KCNIP1: variants seen among roughly 807,000 people sequenced by gnomAD.
KCNIP1 encodes the protein A-type potassium channel modulatory protein KCNIP1.
KCNIP1 carries 18 observed loss-of-function variants against 33.0 expected under a neutral mutation model. The ratio of observed to expected loss-of-function variants is 0.55; its 90% CI spans 0.38 to 0.81. KCNIP1 has a LOEUF of 0.81. Among genes scored for constraint, KCNIP1 ranks in the 30% least tolerant of loss-of-function variants. The probability of loss-of-function intolerance (pLI) is 0.00; values close to 1 mark genes in which losing one functional copy is unlikely to be tolerated. For missense variants in KCNIP1, 238 were observed against 271.6 expected, an observed-to-expected ratio of 0.88 and a Z score of 0.87; for synonymous variants, 93 against 98.3, an observed-to-expected ratio of 0.95 and a Z score of 0.32.
intron 1 of KCNIP1, among the ~76,000 whole-genome samples, chr5:170,379,291 C>G (rs910125384): frequency 6.6e-6 from 1 of 152,118 alleles, no homozygotes; most frequent in South Asian, 2.1e-4. Context: ...TTTCTGAGCC[C>G]TGAAGCTTCA....
rs560643101 is a variant in KCNIP1 at position 170,615,076 on chromosome 5, G to A, written c.62-103682G>A. Reference sequence around the variant, plus strand: ...CTAAAAATACAAAAAATAGCTGGGCGTGGTGGTAGGCGCCTGTAATCCCAG... The same window carrying A: ...CTAAAAATACAAAAAATAGCTGGGCATGGTGGTAGGCGCCTGTAATCCCAG... On this transcript the variant is annotated intron_variant, in intron 1 of 7. Coordinates refer to ENST00000328939, the MANE Select transcript of KCNIP1 (RefSeq NM_014592.4). 2.6e-4 allele frequency among the ~76,000 whole-genome samples: 40 copies of A among 152,280 alleles called. No individual in the cohort carries two copies. In the East Asian group the frequency reaches 6.2e-3, roughly 24 times the overall value.
At chr5:170,687,185 A>ATTTTTTTTT (rs540360161) in intron 1 of KCNIP1, among the ~76,000 whole-genome samples, 1 of 145,886 alleles carries the variant, frequency 6.9e-6, no homozygotes, top group Non-Finnish European at 1.5e-5. Flanking sequence ...ACCTGAGTAA[A>ATTTTTTTTT]TTTTTTTTTT....
chr5:170,468,763 G>A (rs573370838), intron 1 of KCNIP1, among the ~76,000 whole-genome samples: 7 of 151,970 alleles, frequency 4.6e-5, no homozygotes, highest in East Asian at 3.9e-4. Context: ...GTGGCACACC[G>A]CTACTTAGGA....
rs150364235 is a variant in KCNIP1, at chr5:170,526,039, A to G, written c.61+21406A>G. Among the ~76,000 whole-genome samples the G allele has an allele frequency of 3.4e-3, 523 of 152,334 alleles. 4 individuals are homozygous for G. Among genetic ancestry groups the G allele is most frequent in the Non-Finnish European group, 5.1e-3 (347 of 68,032 alleles). ...CCAATATTCACCATGTGCCAGCTCC[A>G]GCTCAGTCACTGAGCCTCACATCGC... On this transcript the variant is annotated intron_variant, in intron 1 of 7. Coordinates refer to ENST00000328939, the MANE Select transcript of KCNIP1 (RefSeq NM_014592.4).
intron 1 of KCNIP1, among the ~76,000 whole-genome samples, chr5:170,515,742 G>A (rs896733200): frequency 2.0e-5 from 3 of 152,220 alleles, no homozygotes; most frequent in African/African-American, 7.2e-5. Flanking sequence ...GTGCCTGCAT[G>A]CTGAATCACT....
At chr5:170,486,944 G>A (rs1685623277) in intron 1 of KCNIP1, among the ~76,000 whole-genome samples, 1 of 152,186 alleles carries the variant, frequency 6.6e-6, no homozygotes, top group South Asian at 2.1e-4. Context: ...TATAATTCAT[G>A]TATTAGTCAG....
chr5:170,725,126 A>G (rs892874253), intron 5 of KCNIP1, among the ~76,000 whole-genome samples: 1 of 152,236 alleles, frequency 6.6e-6, no homozygotes, highest in Non-Finnish European at 1.5e-5. Flanking sequence ...AGAGAGTCAA[A>G]AAAACTAAAA....
At chr5:170,632,527 G>T (rs1426115464) in intron 1 of KCNIP1, among the ~76,000 whole-genome samples, 1 of 152,242 alleles carries the variant, frequency 6.6e-6, no homozygotes, top group Non-Finnish European at 1.5e-5. Flanking sequence ...GGAGCAGCGC[G>T]GCTCTGCTGC....
At position 170,425,430 on chromosome 5, in the gene KCNIP1, G is replaced by C. The variant is rs1035653835; in HGVS notation, c.88+71466G>C. ...CAGGAGTCTTTCTCCAGGTGGCCTG[G>C]CCATGCAGGTGATGGCAGTCATGGG... On this transcript the variant is annotated intron_variant, in intron 1 of 7. Transcript: ENST00000377360. 3.3e-5 allele frequency among the ~76,000 whole-genome samples: 5 copies of C among 152,150 alleles called. No individual in the cohort carries two copies. In the South Asian group the frequency reaches 1.0e-3, roughly 32 times the overall value.
At chr5:170,689,505 A>G (rs1311267399) in intron 1 of KCNIP1, among the ~76,000 whole-genome samples, 1 of 152,230 alleles carries the variant, frequency 6.6e-6, no homozygotes, top group Admixed American at 6.5e-5. Flanking sequence ...ACTAGTAAGT[A>G]GCTGAACCAC....
chr5:170,500,885 T>G (rs1396003122), upstream of KCNIP1, among the ~76,000 whole-genome samples: 1 of 152,228 alleles, frequency 6.6e-6, no homozygotes, highest in Non-Finnish European at 1.5e-5. Flanking sequence ...TGAATGAATC[T>G]TCACTTGGCA....
chr5:170,681,306 A>T (rs1762336302), intron 1 of KCNIP1: 1 of 392,662 alleles, frequency 2.5e-6, no homozygotes, highest in East Asian at 3.6e-5. Context: ...AGCCGGGCTG[A>T]AACAGCGTGG....
chr5:170,517,285 C>T (rs1482502417), intron 1 of KCNIP1, among the ~76,000 whole-genome samples: 2 of 152,158 alleles, frequency 1.3e-5, no homozygotes, highest in Non-Finnish European at 2.9e-5. Flanking sequence ...TGAGAACTCC[C>T]TCACTATCAC....
exon 1 of KCNIP1, chr5:170,353,769 G>A (rs954334259): frequency 1.4e-5 from 13 of 955,044 alleles, no homozygotes; most frequent in Middle Eastern, 3.0e-4. Flanking sequence ...GGGTGCATCC[G>A]TCACTCAGGG....
intron 1 of KCNIP1, among the ~76,000 whole-genome samples, chr5:170,477,644 G>A (rs771327311): frequency 4.6e-5 from 7 of 152,060 alleles, no homozygotes; most frequent in Non-Finnish European, 8.8e-5. Flanking sequence ...CAGTTTCACC[G>A]TGTGGGCCAG....
chr5:170,694,344 AG>A (rs988965035), intron 1 of KCNIP1, among the ~76,000 whole-genome samples: 2 of 152,214 alleles, frequency 1.3e-5, no homozygotes, highest in Admixed American at 1.3e-4. Context: ...TATCCTATAA[AG>A]AGACATTATG....
chr5:170,636,196 G>A (rs1004559617), intron 1 of KCNIP1, among the ~76,000 whole-genome samples: 1 of 152,268 alleles, frequency 6.6e-6, no homozygotes, highest in African/African-American at 2.4e-5. Context: ...TGGGGGGAAA[G>A]CCTAGCCAGA....
Position 170,718,822 on chromosome 5 carries a change from C to T in KCNIP1, c.126C>T (p.Leu42=), listed in dbSNP as rs759525940. The T allele has an allele frequency of 1.2e-4, 188 of 1,610,136 alleles. No individual in the cohort carries two copies. The highest frequency in any genetic ancestry group is 1.4e-4 in the Non-Finnish European group (169 of 1,178,800). Residue 42 remains leucine, a synonymous_variant, in exon 2 of 8, where the codon CTC becomes CTT. Coordinates refer to ENST00000328939, the MANE Select transcript of KCNIP1 (RefSeq NM_014592.4). ...ATCGGCCCGAGGGACTGGAGCAGCTCGAGGCCCAGACCAACTTCACCAAGA... is the reference window on the plus strand; with the variant it reads ...ATCGGCCCGAGGGACTGGAGCAGCTTGAGGCCCAGACCAACTTCACCAAGA... ...VCHRPEGLEQ[L]EAQTNFTKRE...
intron 1 of KCNIP1, among the ~76,000 whole-genome samples, chr5:170,662,981 T>G (rs1038612825): frequency 6.6e-6 from 1 of 152,202 alleles, no homozygotes; most frequent in African/African-American, 2.4e-5. Context: ...GCTCTTCTCT[T>G]TTTCTTGGCA....
Sources: gnomAD v4.1 joint callset for allele counts (sites outside exome capture counted in the v4.1 genomes callset) on GRCh38, gnomAD v4.1.1 for gene constraint, MANE v1.5 for transcripts, NCBI Gene and HGNC (gene_info 2026-07-23, HGNC 2026-07-21) for gene names.